STPG2: variants seen among roughly 807,000 people sequenced by gnomAD.
STPG2 encodes the protein sperm-tail PG-rich repeat-containing protein 2.
A neutral mutation model predicts 54.2 loss-of-function variants in STPG2; 56 were observed. The ratio of observed to expected loss-of-function variants is 1.03; its 90% confidence interval spans 0.83 to 1.29. STPG2 has a LOEUF of 1.29. Among genes scored for constraint, STPG2 ranks in the 50% most tolerant of loss-of-function variants. STPG2 has a pLI of 0.00. For missense variants in STPG2, 596 were observed against 544.9 expected (o/e 1.09, Z -0.93); for synonymous variants, 200 against 181.8 (o/e 1.10, Z -0.81).
At chr4:97,634,353 A>T (rs1721422811) in intron 10 of STPG2, among the ~76,000 whole-genome samples, 1 of 152,158 alleles carries the variant, frequency 6.6e-6, no homozygotes, top group Non-Finnish European at 1.5e-5. Flanking sequence ...CATCACCATC[A>T]TCAAAGACCA....
intron 9 of STPG2, among the ~76,000 whole-genome samples, chr4:97,816,150 G>GT (rs1727902617): frequency 6.6e-6 from 1 of 152,096 alleles, no homozygotes; most frequent in Admixed American, 6.6e-5. Flanking sequence ...CAGTTCATGT[G>GT]TTAGTTTGCT....
intron 4 of STPG2, among the ~76,000 whole-genome samples, chr4:97,549,792 C>G (rs1171695956): frequency 2.0e-5 from 3 of 152,132 alleles, no homozygotes; most frequent in Non-Finnish European, 1.5e-5. Context: ...AAAGACAGAG[C>G]TCCTCTAGAG....
chr4:97,972,921 T>C (rs774407051), intron 6 of STPG2, among the ~76,000 whole-genome samples: 2 of 152,216 alleles, frequency 1.3e-5, no homozygotes, highest in Non-Finnish European at 2.9e-5. Context: ...CATAAGTCCA[T>C]TAAACCTCTC....
intron 10 of STPG2, among the ~76,000 whole-genome samples, chr4:97,599,469 C>A (rs901805462): frequency 1.3e-5 from 2 of 152,250 alleles, no homozygotes; most frequent in Middle Eastern, 3.4e-3. Context: ...CAGCACTATT[C>A]ACAGTAGCAA....
intron 9 of STPG2, among the ~76,000 whole-genome samples, chr4:97,786,210 AT>A (rs1266255134): frequency 1.3e-5 from 2 of 149,438 alleles, no homozygotes; most frequent in Non-Finnish European, 1.5e-5. Context: ...AAAAAAAAAA[AT>A]CTTACCAGGA....
intron 5 of STPG2, among the ~76,000 whole-genome samples, chr4:98,051,409 T>C (rs1737315807): frequency 6.6e-6 from 1 of 152,106 alleles, no homozygotes; most frequent in Non-Finnish European, 1.5e-5. Flanking sequence ...CATATGTTGA[T>C]GGCATTGGGA....
At chr4:97,756,270 G>A (rs76656459) in intron 9 of STPG2, among the ~76,000 whole-genome samples, 12,692 of 152,078 alleles carry the variant, frequency 0.083, 677 homozygotes, top group South Asian at 0.21. Flanking sequence ...ATGAGATTGC[G>A]TTTCTTAATA....
intron 9 of STPG2, among the ~76,000 whole-genome samples, chr4:97,772,009 C>T (rs1298672108): frequency 6.6e-6 from 1 of 152,180 alleles, no homozygotes; most frequent in Non-Finnish European, 1.5e-5. Context: ...ATACCACTGA[C>T]CCACCATGCA....
chr4:97,549,546 C>T (rs1238003174), intron 4 of STPG2, among the ~76,000 whole-genome samples: 1 of 152,086 alleles, frequency 6.6e-6, no homozygotes, highest in African/African-American at 2.4e-5. Context: ...AAGATACATT[C>T]CCCCAGAACC....
chr4:97,531,160 A>T (rs890536053), intron 4 of STPG2, among the ~76,000 whole-genome samples: 1 of 152,202 alleles, frequency 6.6e-6, no homozygotes, highest in African/African-American at 2.4e-5. Flanking sequence ...ATGATATATC[A>T]TCTCATCCCA....
rs557948302 is a variant in STPG2 at position 97,973,295 on chromosome 4, CCT to C, written c.773-857_773-856del. Among the ~76,000 whole-genome samples, 875 of 152,168 alleles carry C rather than the reference CCT, an allele frequency of 5.8e-3. 7 individuals are homozygous for C. Among genetic ancestry groups the C allele is most frequent in the Middle Eastern group, 0.02 (6 of 294 alleles). ...GCAAAAAGACTGGTGGCATTTTGCC[CCT>C]GTCTTAGAGATTTGTGGAACTTTGA... On this transcript the variant is annotated intron_variant, in intron 6 of 10. Coordinates refer to ENST00000295268, the MANE Select transcript of STPG2 (RefSeq NM_174952.3).
At chr4:97,516,704 T>C (rs1731082820) in intron 4 of STPG2, among the ~76,000 whole-genome samples, 1 of 151,592 alleles carries the variant, frequency 6.6e-6, no homozygotes, top group Admixed American at 6.6e-5. Flanking sequence ...GGCACACACC[T>C]GTAATCTCAG....
intron 8 of STPG2, among the ~76,000 whole-genome samples, chr4:97,879,349 T>C (rs1454896645): frequency 6.6e-6 from 1 of 152,188 alleles, no homozygotes; most frequent in Non-Finnish European, 1.5e-5. Flanking sequence ...TTTTTGCTGC[T>C]GATAAAGACA....
intron 10 of STPG2, among the ~76,000 whole-genome samples, chr4:97,705,813 T>G (rs1723922863): frequency 6.6e-6 from 1 of 151,912 alleles, no homozygotes; most frequent in Non-Finnish European, 1.5e-5. Context: ...CATTTTGGAC[T>G]CAGAGCCTAT....
At chr4:98,101,972 C>T (rs1374260981) in intron 5 of STPG2, among the ~76,000 whole-genome samples, 1 of 151,632 alleles carries the variant, frequency 6.6e-6, no homozygotes, top group Non-Finnish European at 1.5e-5. Flanking sequence ...TAGCTCCAAC[C>T]TCTGGCAATG....
At chr4:98,067,528 CT>C in intron 5 of STPG2, among the ~76,000 whole-genome samples, 1 of 152,184 alleles carries the variant, frequency 6.6e-6, no homozygotes, top group Non-Finnish European at 1.5e-5. Context: ...AAGTTAATGT[CT>C]TAACAGGCTT....
intron 4 of STPG2, among the ~76,000 whole-genome samples, chr4:97,444,992 G>A (rs541194963): frequency 3.3e-5 from 5 of 152,144 alleles, no homozygotes; most frequent in African/African-American, 7.2e-5. Flanking sequence ...AGTGGAGATC[G>A]TGCCACTGCA....
At chr4:98,030,717 C>G (rs1243228153) in intron 5 of STPG2, among the ~76,000 whole-genome samples, 1 of 151,690 alleles carries the variant, frequency 6.6e-6, no homozygotes, top group Non-Finnish European at 1.5e-5. Flanking sequence ...AAAAGAATAC[C>G]CAGAAATAAG....
intron 5 of STPG2, among the ~76,000 whole-genome samples, chr4:98,090,415 C>A (rs116004016): frequency 6.6e-6 from 1 of 152,062 alleles, no homozygotes; most frequent in Non-Finnish European, 1.5e-5. Flanking sequence ...GGTCTACATG[C>A]CTATTTTTAT....
Sources: gnomAD v4.1 joint callset for allele counts (sites outside exome capture counted in the v4.1 genomes callset) on GRCh38, gnomAD v4.1.1 for gene constraint, MANE v1.5 for transcripts, NCBI Gene and HGNC (gene_info 2026-07-23, HGNC 2026-07-21) for gene names.